DPH6: variants seen among roughly 807,000 people sequenced by gnomAD.
DPH6 encodes the protein diphthine--ammonia ligase.
A neutral mutation model predicts 38.2 loss-of-function variants in DPH6; 33 were observed. That is an observed-to-expected ratio of 0.86 (90% CI 0.65 to 1.15). The LOEUF (loss-of-function observed/expected upper bound fraction) is 1.15, where lower values mean the gene tolerates loss of function less well. Ranked by LOEUF, DPH6 falls within the 50% of genes most tolerant of loss-of-function variation. DPH6 has a pLI of 0.00. For missense variants in DPH6, 325 were observed against 320.0 expected, an observed-to-expected ratio of 1.02 and a Z score of -0.12; for synonymous variants, 108 against 103.0, an observed-to-expected ratio of 1.05 and a Z score of -0.30.
the DPH6 span, among the ~76,000 whole-genome samples, chr15:35,198,630 T>C: frequency 1.4e-4 from 22 of 152,178 alleles, no homozygotes; most frequent in Non-Finnish European, 2.6e-4. Flanking sequence ...CAATTTCAAC[T>C]GGTGAACAAA....
chr15:35,536,680 T>C (rs1392585942), intron 3 of DPH6, among the ~76,000 whole-genome samples: 1 of 152,110 alleles, frequency 6.6e-6, no homozygotes, highest in Non-Finnish European at 1.5e-5. Flanking sequence ...AGCAACCCAA[T>C]TACTTTAGTG....
chr15:35,475,003 A>C (rs536667239), intron 3 of DPH6, among the ~76,000 whole-genome samples: 2 of 152,070 alleles, frequency 1.3e-5, no homozygotes, highest in Admixed American at 1.3e-4. Context: ...AAAAAAGCTT[A>C]AACAACTACC....
the DPH6 span, among the ~76,000 whole-genome samples, chr15:35,205,790 A>G: frequency 6.6e-6 from 1 of 152,136 alleles, no homozygotes; most frequent in Admixed American, 6.5e-5. Flanking sequence ...TAACAAATTT[A>G]TAACTACATG....
intron 3 of DPH6, among the ~76,000 whole-genome samples, chr15:35,345,987 T>C (rs931148338): frequency 2.6e-5 from 4 of 151,994 alleles, no homozygotes; most frequent in African/African-American, 7.2e-5. Flanking sequence ...AATCTATATA[T>C]TCATAAGTAA....
intron 3 of DPH6, among the ~76,000 whole-genome samples, chr15:35,471,253 A>T (rs1052509011): frequency 6.6e-6 from 1 of 152,150 alleles, no homozygotes; most frequent in Non-Finnish European, 1.5e-5. Context: ...GGTACAGGTA[A>T]CATAAGACTC....
chr15:35,544,857 A>G (rs892450127), intron 1 of DPH6, among the ~76,000 whole-genome samples: 2 of 152,204 alleles, frequency 1.3e-5, no homozygotes, highest in African/African-American at 4.8e-5. Context: ...TAATCGTTAA[A>G]CTTTTGGCAA....
chr15:35,473,260 A>G (rs1360989255), intron 3 of DPH6, among the ~76,000 whole-genome samples: 3 of 152,178 alleles, frequency 2.0e-5, no homozygotes, highest in Admixed American at 2.0e-4. Context: ...ATCACAGGAA[A>G]GAAAAAAAGT....
At chr15:35,176,473 T>A in the DPH6 span, among the ~76,000 whole-genome samples, 25,645 of 146,670 alleles carry the variant, frequency 0.17, 2,575 homozygotes, top group East Asian at 0.41. Context: ...AGTTGTAAGG[T>A]CTTTTTTTTT....
the DPH6 span, among the ~76,000 whole-genome samples, chr15:35,198,727 C>G: frequency 6.6e-6 from 1 of 152,136 alleles, no homozygotes; most frequent in African/African-American, 2.4e-5. Flanking sequence ...GCCCAAAAGT[C>G]TTTATCTGAA....
intron 7 of DPH6, among the ~76,000 whole-genome samples, chr15:35,374,002 A>G (rs946215830): frequency 1.3e-5 from 2 of 151,984 alleles, no homozygotes; most frequent in African/African-American, 4.8e-5. Context: ...AATTCATTCA[A>G]TGTTTCACAC....
intron 5 of DPH6, among the ~76,000 whole-genome samples, chr15:35,437,234 G>A (rs941531625): frequency 6.6e-6 from 1 of 152,128 alleles, no homozygotes; most frequent in African/African-American, 2.4e-5. Flanking sequence ...TTCTAGATGA[G>A]TAGCCATTCA....
chr15:35,531,292 A>C (rs1391065902), intron 3 of DPH6, among the ~76,000 whole-genome samples: 1 of 152,232 alleles, frequency 6.6e-6, no homozygotes, highest in Non-Finnish European at 1.5e-5. Context: ...AGTGTGCAGA[A>C]GGAAACTATT....
intron 5 of DPH6, among the ~76,000 whole-genome samples, chr15:35,438,260 TTTTC>T (rs927440012): frequency 9.1e-5 from 13 of 142,618 alleles, no homozygotes; most frequent in African/African-American, 3.7e-4. Context: ...AGATCATTTC[TTTTC>T]TTTCTTTTTT....
chr15:35,218,855 A>T (rs1020366176), exon 4 of DPH6: 1 of 152,186 alleles, frequency 6.6e-6, no homozygotes, highest in Non-Finnish European at 1.5e-5. Flanking sequence ...AATTGAAAAA[A>T]AATGTATGTT....
intron 6 of DPH6, among the ~76,000 whole-genome samples, chr15:35,409,998 A>G (rs2053344432): frequency 1.3e-5 from 2 of 151,864 alleles, no homozygotes; most frequent in African/African-American, 4.8e-5. Flanking sequence ...AAAATAATCA[A>G]TTACAAATAA....
chr15:35,345,478 G>C (rs958669489), intron 3 of DPH6, among the ~76,000 whole-genome samples: 1 of 151,784 alleles, frequency 6.6e-6, no homozygotes, highest in Non-Finnish European at 1.5e-5. Context: ...AATGTTTGTT[G>C]TTATCTATTG....
chr15:35,240,852 C>T lies in DPH6; in HGVS notation n.201-20270G>A, dbSNP rs368404025. 1.7e-3 allele frequency among the ~76,000 whole-genome samples: 237 copies of T among 143,066 alleles called. 47 individuals carry two copies. The East Asian group carries it at 0.048, about 29-fold the overall frequency. The allele number at this position is 143,066 out of a possible 152,430, so 93.9% of individuals were successfully genotyped here. A position where few individuals can be genotyped will look rare whatever the true frequency, so the allele number is the denominator to read the frequency against. On this transcript the variant is annotated intron_variant and non_coding_transcript_variant, in intron 3 of 3. Coordinates refer to the DPH6 transcript ENST00000560386. ...AAATAAAACTCCAAAAATTAAATTC[C>T]GGCCCTCAAACCCCACAACAGGATT...
the DPH6 span, among the ~76,000 whole-genome samples, chr15:35,173,168 T>C: frequency 6.6e-6 from 1 of 152,202 alleles, no homozygotes; most frequent in Admixed American, 6.5e-5. Context: ...CAAGATACTT[T>C]AAACAATCTA....
At chr15:35,386,617 G>C (rs1435459965) in intron 6 of DPH6, among the ~76,000 whole-genome samples, 2 of 152,126 alleles carry the variant, frequency 1.3e-5, no homozygotes, top group African/African-American at 2.4e-5. Context: ...ATTTTTTCAT[G>C]TGTTTTTTGA....
Sources: allele counts gnomAD v4.1 joint callset (sites outside exome capture counted in the v4.1 genomes callset), GRCh38; gene constraint gnomAD v4.1.1; transcripts MANE v1.5; gene names NCBI Gene and HGNC (gene_info 2026-07-23, HGNC 2026-07-21).